BASP1: variants seen among roughly 807,000 people sequenced by gnomAD.
The protein encoded by BASP1 is brain acid soluble protein 1.
A neutral mutation model predicts 2.2 loss-of-function variants in BASP1; 1 was observed. The observed-to-expected ratio is 0.46, with a 90% CI of 0.16 to 2.17. BASP1 has a LOEUF of 2.17. Among genes scored for constraint, BASP1 ranks in the 30% most tolerant of loss-of-function variants. The pLI, the probability that BASP1 is intolerant of heterozygous loss-of-function variation, is 0.27. For missense variants in BASP1, 352 were observed against 327.2 expected (o/e 1.08, Z -0.58); for synonymous variants, 187 against 154.2 (o/e 1.21, Z -1.58).
Position 17,260,722 on chromosome 5 carries a change from AC to A in BASP1, c.-9-14483del, listed in dbSNP as rs1298422575. On this transcript the variant is annotated intron_variant, in intron 1 of 1. Transcript: ENST00000322611. This position sits in a 1 kb window ranked among gnomAD's most constrained non-coding sequence, Gnocchi z 4.2. ...AGTGAGTCTGTGATGTTTATCTAGT[AC>A]CCATTGTGCACGAACAACCACAAAG... Among the ~76,000 whole-genome samples, 1 of 152,232 alleles carries A rather than the reference AC, an allele frequency of 6.6e-6. No individual in the cohort carries two copies. Among genetic ancestry groups the A allele is most frequent in the Non-Finnish European group, 1.5e-5 (1 of 68,048 alleles).
At chr5:17,230,238 C>G (rs571655005) in intron 1 of BASP1, among the ~76,000 whole-genome samples, 1 of 152,272 alleles carries the variant, frequency 6.6e-6, no homozygotes, top group African/African-American at 2.4e-5. Flanking sequence ...TAGACAGACT[C>G]TTAACGGTGG....
At chr5:17,223,408 T>C (rs1382527237) in intron 1 of BASP1, among the ~76,000 whole-genome samples, 1 of 152,232 alleles carries the variant, frequency 6.6e-6, no homozygotes, top group African/African-American at 2.4e-5. Context: ...TTTTCTTTAC[T>C]GCATCCTTCA....
chr5:17,267,568 G>A (rs1171578145), intron 1 of BASP1, among the ~76,000 whole-genome samples: 2 of 151,452 alleles, frequency 1.3e-5, no homozygotes, highest in African/African-American at 4.9e-5. Context: ...CCCCAGGCTG[G>A]AGTGCGGTGG....
intron 1 of BASP1, among the ~76,000 whole-genome samples, chr5:17,229,183 T>TG (rs1043699531): frequency 3.3e-5 from 5 of 152,222 alleles, no homozygotes; most frequent in Non-Finnish European, 7.3e-5. Flanking sequence ...TTTAACTGGC[T>TG]GGGGACACAT....
At chr5:17,268,092 A>G (rs1043265320) in intron 1 of BASP1, among the ~76,000 whole-genome samples, 1 of 152,036 alleles carries the variant, frequency 6.6e-6, no homozygotes, top group African/African-American at 2.4e-5. Flanking sequence ...CTAGAAAGAG[A>G]ATACACTTTA....
At chr5:17,274,955 G>A (rs1352325482) in intron 1 of BASP1, among the ~76,000 whole-genome samples, 8 of 152,150 alleles carry the variant, frequency 5.3e-5, no homozygotes, top group Admixed American at 5.2e-4. Context: ...CCTGAGCCCA[G>A]GAGGTGGAGG....
chr5:17,227,567 A>AT (rs997106579), intron 1 of BASP1, among the ~76,000 whole-genome samples: 2 of 151,814 alleles, frequency 1.3e-5, no homozygotes, highest in African/African-American at 4.8e-5. Context: ...TGCCCGGCTA[A>AT]TTTTTTTGTA....
intron 1 of BASP1, among the ~76,000 whole-genome samples, chr5:17,241,552 C>T (rs1189455321): frequency 2.6e-5 from 4 of 152,214 alleles, no homozygotes; most frequent in African/African-American, 4.8e-5. Context: ...GCATGTCTCT[C>T]ATTTGCTGGA....
Position 17,236,368 on chromosome 5 carries a change from A to G in BASP1, c.-10+18558A>G, listed in dbSNP as rs897525526. Reference sequence around the variant, plus strand: ...GGCCTCTGCCTCCCGGGTTCAAGCAATTCTCCTGCCTCAGCCTCTGGAGTA... The same window carrying G: ...GGCCTCTGCCTCCCGGGTTCAAGCAGTTCTCCTGCCTCAGCCTCTGGAGTA... On this transcript the variant is annotated intron_variant, in intron 1 of 1. Coordinates refer to ENST00000322611, the MANE Select transcript of BASP1 (RefSeq NM_006317.5). The surrounding 1 kb of genome is among the most constrained non-coding windows in gnomAD (Gnocchi z 4.0). 6.6e-6 allele frequency among the ~76,000 whole-genome samples: 1 copy of G among 152,086 alleles called. No individual in the cohort carries two copies. Among genetic ancestry groups the G allele is most frequent in the Non-Finnish European group, 1.5e-5 (1 of 68,026 alleles).
chr5:17,224,227 T>G (rs915737610), intron 1 of BASP1, among the ~76,000 whole-genome samples: 6 of 152,204 alleles, frequency 3.9e-5, no homozygotes, highest in African/African-American at 1.4e-4. Flanking sequence ...TTGGGTAAAT[T>G]GTTGTTTAAC....
At chr5:17,266,174 G>T (rs1301369680) in intron 1 of BASP1, among the ~76,000 whole-genome samples, 4 of 152,316 alleles carry the variant, frequency 2.6e-5, no homozygotes, top group South Asian at 2.1e-4. Context: ...TTTCACCCTG[G>T]TGTGTCTCTG....
chr5:17,254,306 G>A (rs1740158472), intron 1 of BASP1, among the ~76,000 whole-genome samples: 1 of 152,080 alleles, frequency 6.6e-6, no homozygotes, highest in Admixed American at 6.6e-5. Flanking sequence ...TTTTTAAAGT[G>A]CCTGTTCCTT....
intron 1 of BASP1, among the ~76,000 whole-genome samples, chr5:17,261,444 A>AAT (rs1740314371): frequency 1.3e-5 from 2 of 152,226 alleles, no homozygotes; most frequent in Non-Finnish European, 2.9e-5. Flanking sequence ...TGCAGAATGA[A>AAT]ATACTGTAAG....
chr5:17,224,826 T>C (rs1279638814), intron 1 of BASP1, among the ~76,000 whole-genome samples: 2 of 152,360 alleles, frequency 1.3e-5, no homozygotes, highest in East Asian at 1.9e-4. Flanking sequence ...CTCTGAGATA[T>C]GGACCAGGCT....
chr5:17,231,912 G>A (rs540984936), intron 1 of BASP1, among the ~76,000 whole-genome samples: 40 of 152,194 alleles, frequency 2.6e-4, no homozygotes, highest in Non-Finnish European at 4.0e-4. Context: ...TTCATGGAGA[G>A]CACGTGTCTT....
chr5:17,231,969 A>G (rs1739640598), intron 1 of BASP1, among the ~76,000 whole-genome samples: 1 of 152,214 alleles, frequency 6.6e-6, no homozygotes, highest in Admixed American at 6.5e-5. Context: ...AAATGGGCCA[A>G]AATTTCACCT....
chr5:17,264,176 A>G (rs531725915), intron 1 of BASP1, among the ~76,000 whole-genome samples: 10 of 152,370 alleles, frequency 6.6e-5, no homozygotes, highest in Admixed American at 4.6e-4. Flanking sequence ...TTGAAAATAG[A>G]AATTGCTGGA....
At chr5:17,272,792 G>A (rs1192470006) in intron 1 of BASP1, among the ~76,000 whole-genome samples, 3 of 152,114 alleles carry the variant, frequency 2.0e-5, no homozygotes, top group Admixed American at 6.5e-5. Context: ...GAAACAAATC[G>A]CAGCTGGGCA....
chr5:17,252,127 G>A (rs1740113758), intron 1 of BASP1, among the ~76,000 whole-genome samples: 1 of 152,166 alleles, frequency 6.6e-6, no homozygotes, highest in Non-Finnish European at 1.5e-5. Flanking sequence ...AGATGAGAAA[G>A]CTAGGTCTAG....
Sources: allele counts gnomAD v4.1 joint callset (sites outside exome capture counted in the v4.1 genomes callset), GRCh38; gene constraint gnomAD v4.1.1; non-coding constraint Gnocchi (gnomAD v3.1); transcripts MANE v1.5; gene names NCBI Gene and HGNC (gene_info 2026-07-23, HGNC 2026-07-21).